Variants in PEX5 observed in about 807,000 individuals in gnomAD.
The protein encoded by PEX5 is PTS1 receptor.
In PEX5, 52 loss-of-function variants were observed where a neutral mutation model predicts 82.9. That is an observed-to-expected ratio of 0.63 (90% CI 0.50 to 0.79). The LOEUF (loss-of-function observed/expected upper bound fraction) is 0.79, where lower values mean the gene tolerates loss of function less well. PEX5 is among the 30% of genes least tolerant of loss of function. The pLI, the probability that PEX5 is intolerant of heterozygous loss-of-function variation, is 0.00. For synonymous variants in PEX5, 300 were observed against 318.8 expected (o/e 0.94, Z 0.63); for missense variants, 719 against 815.2 (o/e 0.88, Z 1.44).
chr12:7,191,802 A>G (rs1565673971), intron 5 of PEX5, 102 bp downstream of exon 5: 2 of 1,126,454 alleles, frequency 1.8e-6, no homozygotes, highest in Non-Finnish European at 2.7e-6. Context: ...TTCTGGTCTC[A>G]TGACTCATTT....
chr12:7,215,280 G>A (rs1945745610), downstream of PEX5, among the ~76,000 whole-genome samples: 1 of 152,126 alleles, frequency 6.6e-6, no homozygotes, highest in Non-Finnish European at 1.5e-5. Flanking sequence ...GAGAGAAGGG[G>A]ACTTATACTC....
intron 5 of PEX5, among the ~76,000 whole-genome samples, chr12:7,197,418 T>TTA (rs372442728): frequency 0.17 from 4,802 of 28,472 alleles, 902 homozygotes; most frequent in African/African-American, 0.29. Context: ...TACAATGTAA[T>TTA]TATATGTCAT....
rs764842874 is a variant in PEX5 at position 7,207,643 on chromosome 12, C to T, written c.967-16C>T. 8.7e-6 allele frequency: 14 copies of T among 1,613,592 alleles called. No individual in the cohort carries two copies. In the South Asian group the frequency reaches 8.8e-5, roughly 10 times the overall value. ...GTGCCACCTCTCAGTCCATCTCTCACGTGCTTTTCTTGTAGGGGTACCAGT... is the reference window on the plus strand; with the variant it reads ...GTGCCACCTCTCAGTCCATCTCTCATGTGCTTTTCTTGTAGGGGTACCAGT... On this transcript the variant is annotated splice_polypyrimidine_tract_variant and intron_variant, in intron 10 of 15. Coordinates refer to ENST00000675855, the MANE Select transcript of PEX5 (RefSeq NM_001351132.2).
At chr12:7,205,809 A>T (rs2136203630) in intron 10 of PEX5, among the ~76,000 whole-genome samples, 2 of 152,374 alleles carry the variant, frequency 1.3e-5, no homozygotes, top group Middle Eastern at 6.8e-3. Flanking sequence ...TGTGGTTGCA[A>T]GATGGTGGCA....
At chr12:7,190,294 G>A in intron 1 of PEX5, 68 bp from the exon 2 acceptor site, 1 of 1,599,910 alleles carries the variant, frequency 6.3e-7, no homozygotes, top group Non-Finnish European at 8.5e-7. Context: ...CTCAGATACG[G>A]GCAGAGTTGT....
rs755547376 is a variant in PEX5 at position 7,209,817 on chromosome 12, C to T, written c.1695C>T (p.Ser565=). ...GGTCCCGCTATAACCTGGGCATCAG[C>T]TGCATCAACCTCGGGGCTCACCGGT... ...YIRSRYNLGI[S]CINLGAHREA... is the part of the protein sequence containing the mutation. Residue 565 remains serine (S), a synonymous_variant, in exon 15 of 16, where the codon AGC becomes AGT. Transcript: ENST00000675855. 31 of 1,614,102 alleles carry T rather than the reference C, an allele frequency of 1.9e-5. No homozygotes were observed. Among genetic ancestry groups the T allele is most frequent in the Non-Finnish European group, 2.5e-5 (29 of 1,180,044 alleles).
At chr12:7,201,418 TA>T (rs939499113) in intron 6 of PEX5, among the ~76,000 whole-genome samples, 1 of 152,156 alleles carries the variant, frequency 6.6e-6, no homozygotes, top group East Asian at 1.9e-4. Flanking sequence ...AATATATATA[TA>T]TTTTTCAAGA....
chr12:7,211,498 G>GA (rs1250095010), downstream of PEX5: 1 of 152,268 alleles, frequency 6.6e-6, no homozygotes, highest in African/African-American at 2.4e-5. Context: ...TGCTGGTCAT[G>GA]AAGCTGGGAT....
At chr12:7,213,192 C>A (rs1037472024), downstream of PEX5, among the ~76,000 whole-genome samples, 5 of 150,742 alleles carry the variant, frequency 3.3e-5, no homozygotes, top group Non-Finnish European at 7.4e-5. Context: ...CATCAAGCTA[C>A]CAATGACTTT....
intron 9 of PEX5, 95 bp downstream of exon 9, chr12:7,202,799 TC>T: frequency 1.1e-6 from 1 of 902,178 alleles, no homozygotes; most frequent in South Asian, 1.3e-5. Flanking sequence ...AAATTGTATT[TC>T]ATAGTGGACC....
At chr12:7,199,207 T>C (rs1428868782) in intron 6 of PEX5, 94 bp downstream of exon 6, 1 of 541,928 alleles carries the variant, frequency 1.8e-6, no homozygotes, top group Non-Finnish European at 3.1e-6. Flanking sequence ...ACTTACTTTA[T>C]TCTTTTTTTT....
chr12:7,206,555 T>C lies in PEX5; in HGVS notation c.967-1104T>C, dbSNP rs963105630. The stretch of plus-strand genomic sequence containing the variant: ...CACTTGTTTTCAATATAAATATACT[T>C]TCTATACATTTATCTCAAATCTACT... On this transcript the variant is annotated intron_variant, in intron 10 of 15. Coordinates refer to ENST00000675855, the MANE Select transcript of PEX5 (RefSeq NM_001351132.2). Among the ~76,000 whole-genome samples the C allele has an allele frequency of 2.8e-5, 4 of 141,588 alleles. No individual in the cohort carries two copies. In the East Asian group the frequency reaches 8.1e-4, roughly 29 times the overall value. 92.9% of individuals were successfully genotyped at this position (141,588 alleles called of 152,430 possible). A position where few individuals can be genotyped will look rare whatever the true frequency, so the allele number is the denominator to read the frequency against.
intron 15 of PEX5, 40 bp from the exon 16 acceptor site, chr12:7,209,982 T>C (rs1174952750): frequency 1.2e-6 from 2 of 1,609,306 alleles, no homozygotes; most frequent in East Asian, 2.2e-5. Flanking sequence ...CTTCCATTGT[T>C]GTTCAGCTTA....
chr12:7,202,551 G>C, intron 8 of PEX5, 61 bp from the exon 9 acceptor site: 1 of 1,478,204 alleles, frequency 6.8e-7, no homozygotes, highest in Non-Finnish European at 9.5e-7. Context: ...TGGGTATTTA[G>C]TGTGCGTCTG....
intron 15 of PEX5, 72 bp from the exon 16 acceptor site, chr12:7,209,950 C>T: frequency 3.1e-6 from 5 of 1,592,730 alleles, no homozygotes; most frequent in Non-Finnish European, 4.3e-6. Flanking sequence ...TTTCTCCCTC[C>T]CACTGCTAGC....
downstream of PEX5, among the ~76,000 whole-genome samples, chr12:7,214,382 T>C (rs1488049410): frequency 6.6e-6 from 1 of 151,954 alleles, no homozygotes; most frequent in African/African-American, 2.4e-5. Flanking sequence ...TGGAATACTA[T>C]GCAGCCGTAA....
At position 7,190,821 on chromosome 12, in the gene PEX5, A is replaced by T. The variant is rs555478723; in HGVS notation, c.148-67A>T. ...TGAAGAAGCCGAGGCTCAGATGCCT[A>T]TGGGCTTCATCAACCCCTGATTTTA... On this transcript the variant is annotated intron_variant, in intron 2 of 15. Coordinates refer to ENST00000675855, the MANE Select transcript of PEX5 (RefSeq NM_001351132.2). 1.6e-3 allele frequency: 2,387 copies of T among 1,464,804 alleles called. 46 individuals are homozygous for T. The South Asian group carries it at 0.025, about 15-fold the overall frequency. The allele number at this position is 1,464,804 out of a possible 1,614,324, so 90.7% of individuals were successfully genotyped here.
At position 7,191,380 on chromosome 12, in the gene PEX5, A is replaced by G. The variant is rs777453877; in HGVS notation, c.316+22A>G. The G allele has an allele frequency of 3.7e-6, 6 of 1,614,042 alleles. No homozygotes were observed. In the South Asian group the frequency reaches 6.6e-5, roughly 18 times the overall value. On this transcript the variant is annotated intron_variant, in intron 4 of 15. Transcript: ENST00000675855. ...AGAGGTGAGTCCAGAGTCTAGTGGGAGGGGAGATCGTTTTCCATGTAGCCA... is the reference window on the plus strand; with the variant it reads ...AGAGGTGAGTCCAGAGTCTAGTGGGGGGGGAGATCGTTTTCCATGTAGCCA...
In PEX5 at chr12:7,197,381, C is replaced by G. The variant is rs533268127; in HGVS notation, c.449-1630C>G. On this transcript the variant is annotated intron_variant, in intron 5 of 15. Coordinates refer to ENST00000675855, the MANE Select transcript of PEX5 (RefSeq NM_001351132.2). ...ATGTAATAATTATATATGTCATATA[C>G]AATGTAATAATTATATATATGTCAT... Among the ~76,000 whole-genome samples the G allele has an allele frequency of 5.0e-3, 284 of 56,604 alleles. 11 individuals are homozygous for G. Among genetic ancestry groups the G allele is most frequent in the African/African-American group, 0.017 (257 of 15,478 alleles). The allele number at this position is 56,604 out of a possible 152,430, so 37.1% of individuals were successfully genotyped here.
Sources: gnomAD v4.1 joint callset for allele counts (sites outside exome capture counted in the v4.1 genomes callset) on GRCh38, gnomAD v4.1.1 for gene constraint, MANE v1.5 for transcripts, NCBI Gene and HGNC (gene_info 2026-07-23, HGNC 2026-07-21) for gene names.